The following NRDC variants were observed in gnomAD, a reference collection of about 807,000 sequenced individuals.
NRDC encodes the protein nardilysin convertase, also known as nardilysin.
A neutral mutation model predicts 147.1 loss-of-function variants in NRDC; 54 were observed. The ratio of observed to expected loss-of-function variants is 0.37; its 90% CI spans 0.29 to 0.46. The LOEUF is 0.46. NRDC is among the 20% of genes least tolerant of loss of function. The probability of loss-of-function intolerance (pLI) is 1.00; values close to 1 mark genes in which losing one functional copy is unlikely to be tolerated. For missense variants in NRDC, 1,082 were observed against 1,370.6 expected (o/e 0.79, Z 3.33); for synonymous variants, 440 against 482.1 (o/e 0.91, Z 1.14).
intron 10 of NRDC, 68 bp downstream of exon 10, chr1:51,817,998 C>T: frequency 5.9e-6 from 7 of 1,187,262 alleles, no homozygotes; most frequent in Non-Finnish European, 8.5e-6. Flanking sequence ...AAACTTAAAC[C>T]ATTTAGCATG....
At chr1:51,819,700 T>G in intron 9 of NRDC, 100 bp downstream of exon 9, 1 of 900,648 alleles carries the variant, frequency 1.1e-6, no homozygotes, top group East Asian at 2.7e-5. Context: ...CTGTATTTTC[T>G]GTTGTGTTCT....
intron 20 of NRDC, among the ~76,000 whole-genome samples, chr1:51,801,573 T>C (rs996767997): frequency 6.6e-6 from 1 of 152,140 alleles, no homozygotes; most frequent in Non-Finnish European, 1.5e-5. Flanking sequence ...TAGTGGTATA[T>C]GAGGTTTTCT....
In NRDC at chr1:51,825,315, A is replaced by G; in HGVS notation, c.1008T>C (p.Pro336=). ...AAAAAAATTTTCCCATAGGATGTCC[A>G]GGTCTAGCAAGGCTTCCAAACAACA... The part of the protein sequence containing the change: ...KEMLFGSLAR[P]GHPMGKFFWG... Residue 336 remains proline (P), a synonymous_variant, in exon 6 of 31, where the codon CCT becomes CCC. Coordinates refer to ENST00000352171, the MANE Select transcript of NRDC (RefSeq NM_001101662.2). 1 of 1,600,566 alleles carries G rather than the reference A, an allele frequency of 6.2e-7. No individual in the cohort carries two copies. The highest frequency in any genetic ancestry group is 1.3e-5 in the African/African-American group (1 of 74,190).
chr1:51,855,133 CAAAA>C (rs1557933423), intron 1 of NRDC, among the ~76,000 whole-genome samples: 3 of 152,138 alleles, frequency 2.0e-5, no homozygotes, highest in Non-Finnish European at 4.4e-5. Context: ...CCTTTTAGGC[CAAAA>C]TCAGTGTGTA....
At chr1:51,862,265 AG>A (rs888811471) in intron 1 of NRDC, 1 of 152,134 alleles carries the variant, frequency 6.6e-6, no homozygotes, top group African/African-American at 2.4e-5. Flanking sequence ...CGCCAATAAA[AG>A]ACATCCATCT....
intron 20 of NRDC, among the ~76,000 whole-genome samples, chr1:51,803,474 C>CAA (rs56122829): frequency 1.0e-4 from 13 of 128,890 alleles, no homozygotes; most frequent in Non-Finnish European, 1.5e-4. Flanking sequence ...GTATCTGTCT[C>CAA]AAAAAAAAAA....
At chr1:51,835,476 T>TG (rs1290097235) in intron 3 of NRDC, among the ~76,000 whole-genome samples, 1 of 147,816 alleles carries the variant, frequency 6.8e-6, no homozygotes, top group Non-Finnish European at 1.5e-5. Flanking sequence ...TGTTTTTTTT[T>TG]TTTTTTTTTT....
At chr1:51,875,374 G>C (rs1435858256) in intron 1 of NRDC, among the ~76,000 whole-genome samples, 1 of 152,022 alleles carries the variant, frequency 6.6e-6, no homozygotes, top group Non-Finnish European at 1.5e-5. Context: ...CACTAAGAAG[G>C]ACAATGACTT....
chr1:51,819,979 CCTT>C (rs1210848634), intron 8 of NRDC, 106 bp from the exon 9 acceptor site: 10 of 830,256 alleles, frequency 1.2e-5, no homozygotes, highest in Non-Finnish European at 1.7e-5. Flanking sequence ...TCTACATACT[CCTT>C]CTTGGAAAGC....
At chr1:51,805,682 C>A in intron 18 of NRDC, 121 bp from the exon 19 acceptor site, 1 of 616,718 alleles carries the variant, frequency 1.6e-6, no homozygotes. Context: ...TCCTTAAATC[C>A]TCATTACATC....
intron 4 of NRDC, among the ~76,000 whole-genome samples, chr1:51,828,345 T>G (rs1336954314): frequency 1.3e-5 from 2 of 152,226 alleles, no homozygotes; most frequent in Non-Finnish European, 2.9e-5. Context: ...TTCATTCCTT[T>G]GTAAAATTGT....
At chr1:51,856,901 A>G (rs1301148510) in intron 1 of NRDC, among the ~76,000 whole-genome samples, 1 of 152,202 alleles carries the variant, frequency 6.6e-6, no homozygotes, top group Non-Finnish European at 1.5e-5. Context: ...ATTGTAACAA[A>G]AAGACTTTAA....
At chr1:51,817,417 T>C (rs1327353478) in intron 10 of NRDC, among the ~76,000 whole-genome samples, 1 of 151,740 alleles carries the variant, frequency 6.6e-6, no homozygotes, top group Admixed American at 6.6e-5. Context: ...CTCTGGCCCA[T>C]GCTACACTGC....
In NRDC at chr1:51,816,408, G is replaced by A. The variant is rs1679968716; in HGVS notation, c.1362-19C>T. ...CTTCACCCTTTTAAAAAAATTTAAT[G>A]GTCAGAAGAAAAAAACAAAAGGTAT... On this transcript the variant is annotated intron_variant, in intron 10 of 30. Transcript: ENST00000352171. 4.0e-6 allele frequency: 6 copies of A among 1,500,186 alleles called. No homozygotes were observed. Among genetic ancestry groups the A allele is most frequent in the Non-Finnish European group, 5.4e-6 (6 of 1,110,306 alleles). The allele number at this position is 1,500,186 out of a possible 1,614,324, so 92.9% of individuals were successfully genotyped here.
chr1:51,790,075 A>G lies in NRDC; in HGVS notation c.3169-418T>C, dbSNP rs190311551. On this transcript the variant is annotated intron_variant, in intron 29 of 30. Coordinates refer to ENST00000352171, the MANE Select transcript of NRDC (RefSeq NM_001101662.2). Reference sequence around the variant, plus strand: ...TTACATCACAGAGCAATGATGTCCTATGGTAATTCACCATGTAGGGGCTAT... The same window carrying G: ...TTACATCACAGAGCAATGATGTCCTGTGGTAATTCACCATGTAGGGGCTAT... Among the ~76,000 whole-genome samples the G allele has an allele frequency of 1.6e-4, 24 of 152,322 alleles. No homozygotes were observed. In the East Asian group the frequency reaches 3.7e-3, roughly 23 times the overall value.
At chr1:51,846,488 C>A (rs538248383) in intron 1 of NRDC, among the ~76,000 whole-genome samples, 83 of 152,352 alleles carry the variant, frequency 5.4e-4, no homozygotes, top group African/African-American at 1.7e-3. Context: ...TCACTGACTT[C>A]AAGAATGAAG....
At chr1:51,791,110 A>G (rs1678622430) in intron 27 of NRDC, 120 bp from the exon 28 acceptor site, 1 of 704,142 alleles carries the variant, frequency 1.4e-6, no homozygotes, top group African/African-American at 1.8e-5. Flanking sequence ...ATCCAGGAAA[A>G]AAAGCTAAAG....
At chr1:51,874,495 G>A (rs569811148) in intron 1 of NRDC, among the ~76,000 whole-genome samples, 29 of 152,208 alleles carry the variant, frequency 1.9e-4, no homozygotes, top group African/African-American at 6.7e-4. Context: ...TGTAGTCCCA[G>A]CTACTGGAGA....
chr1:51,847,380 A>G (rs34652944), intron 1 of NRDC, among the ~76,000 whole-genome samples: 6,867 of 152,142 alleles, frequency 0.045, 190 homozygotes, highest in Middle Eastern at 0.065. Context: ...TTGCGCCCGC[A>G]CTCCTCAGCC....
Sources: gnomAD v4.1 joint callset for allele counts (sites outside exome capture counted in the v4.1 genomes callset) on GRCh38, gnomAD v4.1.1 for gene constraint, MANE v1.5 for transcripts, NCBI Gene and HGNC (gene_info 2026-07-23, HGNC 2026-07-21) for gene names.